The following LDAH variants were observed in gnomAD, a reference collection of about 807,000 sequenced individuals.
LDAH encodes lipid droplet associated hydrolase, also known as lipid droplet-associated hydrolase.
LDAH carries 26 observed loss-of-function variants against 29.6 expected under a neutral mutation model. The ratio of observed to expected loss-of-function variants is 0.88; its 90% CI spans 0.64 to 1.22. The LOEUF (loss-of-function observed/expected upper bound fraction) is 1.22. LDAH is among the 50% of genes most tolerant of loss of function. The probability of loss-of-function intolerance (pLI) is 0.00; values close to 1 mark genes in which losing one functional copy is unlikely to be tolerated. For synonymous variants in LDAH, 117 were observed against 133.0 expected, an observed-to-expected ratio of 0.88 and a Z score of 0.83; for missense variants, 344 against 387.3, an observed-to-expected ratio of 0.89 and a Z score of 0.94.
Position 20,765,295 on chromosome 2 carries a change from C to T in LDAH, c.468+9515G>A, listed in dbSNP as rs192242266. On this transcript the variant is annotated intron_variant, in intron 4 of 6. Coordinates refer to ENST00000237822, the MANE Select transcript of LDAH (RefSeq NM_021925.4). Reference sequence around the variant, plus strand: ...AAAAAGTTCCCTTGACCAGCTTCTTCCTTAAATTATTATGTGTTCTTCTCC... The same window carrying T: ...AAAAAGTTCCCTTGACCAGCTTCTTTCTTAAATTATTATGTGTTCTTCTCC... Among the ~76,000 whole-genome samples the T allele has an allele frequency of 3.0e-3, 456 of 152,278 alleles. 4 individuals are homozygous for T. The highest frequency in any genetic ancestry group is 0.03 in the South Asian group (143 of 4,820).
intron 4 of LDAH, among the ~76,000 whole-genome samples, chr2:20,765,757 G>A (rs1190025052): frequency 2.0e-5 from 3 of 152,152 alleles, no homozygotes; most frequent in East Asian, 1.9e-4. Context: ...TCTCAGCCTC[G>A]TGGTCTCAGG....
intron 6 of LDAH, among the ~76,000 whole-genome samples, chr2:20,694,519 C>T (rs968379891): frequency 6.6e-6 from 1 of 152,200 alleles, no homozygotes; most frequent in Non-Finnish European, 1.5e-5. Context: ...GGTTTAGGGA[C>T]TTCAGTTTTT....
At chr2:20,730,196 GT>G (rs1374713811) in intron 5 of LDAH, among the ~76,000 whole-genome samples, 2 of 152,070 alleles carry the variant, frequency 1.3e-5, no homozygotes, top group Non-Finnish European at 2.9e-5. Flanking sequence ...ACCACAGTTT[GT>G]TTAATAATTT....
chr2:20,716,578 G>A (rs1266372773), intron 5 of LDAH, among the ~76,000 whole-genome samples: 7 of 151,182 alleles, frequency 4.6e-5, no homozygotes, highest in African/African-American at 1.7e-4. Flanking sequence ...GGCCTGTCGT[G>A]GGGTGGGGGG....
chr2:20,794,544 A>T (rs1168821009), intron 2 of LDAH, among the ~76,000 whole-genome samples: 1 of 152,182 alleles, frequency 6.6e-6, no homozygotes, highest in African/African-American at 2.4e-5. Flanking sequence ...AAAGCATAAT[A>T]CATCATGACC....
chr2:20,702,359 C>T (rs1449939750), intron 5 of LDAH, among the ~76,000 whole-genome samples: 1 of 152,108 alleles, frequency 6.6e-6, no homozygotes, highest in Admixed American at 6.5e-5. Context: ...TCTGTCCTTC[C>T]CTTCATTTTC....
At chr2:20,747,179 A>C (rs745352932) in intron 4 of LDAH, among the ~76,000 whole-genome samples, 1 of 152,078 alleles carries the variant, frequency 6.6e-6, no homozygotes, top group Non-Finnish European at 1.5e-5. Context: ...TCCTTGAAAG[A>C]CTTCACCTGT....
chr2:20,682,674 T>C (rs56220106), downstream of LDAH, among the ~76,000 whole-genome samples: 35,469 of 152,140 alleles, frequency 0.23, 4,353 homozygotes, highest in Middle Eastern at 0.32. Context: ...ATCACTGGCA[T>C]TAATCCATTC....
chr2:20,790,234 T>C (rs199588395), intron 3 of LDAH, 21 bp downstream of exon 3: 26 of 1,613,066 alleles, frequency 1.6e-5, no homozygotes, highest in Admixed American at 8.3e-5. Context: ...TAAAGGAAAG[T>C]AGATATTAAC....
chr2:20,780,697 G>T (rs1441681062), intron 3 of LDAH, among the ~76,000 whole-genome samples: 1 of 152,164 alleles, frequency 6.6e-6, no homozygotes, highest in East Asian at 1.9e-4. Context: ...GACGTTAACT[G>T]CAATGCTCAC....
intron 1 of LDAH, among the ~76,000 whole-genome samples, chr2:20,809,353 C>T (rs1371257817): frequency 1.3e-5 from 2 of 151,908 alleles, no homozygotes; most frequent in Admixed American, 6.6e-5. Context: ...GAGCCGAGAT[C>T]GCACCACTGC....
intron 4 of LDAH, among the ~76,000 whole-genome samples, chr2:20,751,092 T>C (rs1391195883): frequency 6.6e-6 from 1 of 152,208 alleles, no homozygotes; most frequent in Non-Finnish European, 1.5e-5. Context: ...CTCAACATCA[T>C]GCAATATTCC....
intron 1 of LDAH, among the ~76,000 whole-genome samples, chr2:20,808,286 A>C (rs73224614): frequency 0.042 from 6,412 of 152,324 alleles, 435 homozygotes; most frequent in African/African-American, 0.15. Context: ...AATCCAAATC[A>C]GGTCTTTTCC....
At chr2:20,740,346 C>T (rs1015689109) in intron 4 of LDAH, 141 bp from the exon 5 acceptor site, 34 of 642,472 alleles carry the variant, frequency 5.3e-5, no homozygotes, top group African/African-American at 2.0e-4. Flanking sequence ...AACCACCACT[C>T]ACCACCCTCT....
At chr2:20,710,598 G>GTGTGTGTA (rs1197385464) in intron 5 of LDAH, among the ~76,000 whole-genome samples, 1 of 130,474 alleles carries the variant, frequency 7.7e-6, no homozygotes, top group South Asian at 2.6e-4. Flanking sequence ...GTGTGTGTGT[G>GTGTGTGTA]TGTGTGTGTA....
intron 2 of LDAH, among the ~76,000 whole-genome samples, chr2:20,798,561 TATAATTAATA>T (rs999725597): frequency 7.0e-6 from 1 of 143,756 alleles, no homozygotes; most frequent in African/African-American, 2.7e-5. Flanking sequence ...CTATGTATAA[TATAATTAATA>T]TAATATAATA....
chr2:20,698,635 G>A lies in LDAH; in HGVS notation c.786+2935C>T, dbSNP rs372299865. 3.3e-5 allele frequency among the ~76,000 whole-genome samples: 5 copies of A among 152,160 alleles called. No homozygotes were observed. The highest frequency in any genetic ancestry group is 4.8e-5 in the African/African-American group (2 of 41,472). ...GTGGAGGTTGCAGTGAGCCGAGATC[G>A]TGCCACTGCACTCTAGCCTGGGCGA... On this transcript the variant is annotated intron_variant, in intron 6 of 6. Coordinates refer to ENST00000237822, the MANE Select transcript of LDAH (RefSeq NM_021925.4). This position sits in a 1 kb window ranked among gnomAD's most constrained non-coding sequence, Gnocchi z 4.4.
At chr2:20,807,883 G>C (rs934403846) in intron 1 of LDAH, among the ~76,000 whole-genome samples, 3 of 149,854 alleles carry the variant, frequency 2.0e-5, no homozygotes, top group Non-Finnish European at 4.4e-5. Flanking sequence ...ATTTAGATTG[G>C]ATAGGAAGAA....
chr2:20,769,779 G>A (rs1431154213), intron 4 of LDAH, among the ~76,000 whole-genome samples: 2 of 152,084 alleles, frequency 1.3e-5, no homozygotes, highest in Non-Finnish European at 2.9e-5. Flanking sequence ...TGATAACAAT[G>A]TCCACACATT....
Sources: gnomAD v4.1 joint callset for allele counts (sites outside exome capture counted in the v4.1 genomes callset) on GRCh38, gnomAD v4.1.1 for gene constraint, Gnocchi (gnomAD v3.1) non-coding constraint, MANE v1.5 for transcripts, NCBI Gene and HGNC (gene_info 2026-07-23, HGNC 2026-07-21) for gene names.